Variants in HEG1 observed in about 807,000 individuals in gnomAD.
HEG1 encodes protein HEG homolog 1.
A neutral mutation model predicts 125.6 loss-of-function variants in HEG1; 56 were observed. The ratio of observed to expected loss-of-function variants is 0.45; its 90% CI spans 0.36 to 0.56. The LOEUF is 0.56. Among genes scored for constraint, HEG1 ranks in the 20% least tolerant of loss-of-function variants. The pLI, the probability that HEG1 is intolerant of heterozygous loss-of-function variation, is 0.00. For synonymous variants in HEG1, 644 were observed against 668.5 expected (o/e 0.96, Z 0.57); for missense variants, 1,523 against 1,670.0 (o/e 0.91, Z 1.53).
At chr3:125,027,545 G>T (rs761149267) in intron 2 of HEG1, 38 bp from the exon 3 acceptor site, 5 of 1,532,610 alleles carry the variant, frequency 3.3e-6, no homozygotes, top group Non-Finnish European at 4.4e-6. Context: ...TCCACCAGCA[G>T]ACTTCAAAAT....
chr3:125,011,621 G>A (rs973283819), intron 6 of HEG1, among the ~76,000 whole-genome samples: 13 of 152,130 alleles, frequency 8.5e-5, no homozygotes, highest in South Asian at 2.1e-4. Flanking sequence ...TGATACAAAG[G>A]GGCACTGTGG....
intron 12 of HEG1, among the ~76,000 whole-genome samples, chr3:124,991,698 A>G (rs2107692186): frequency 6.6e-6 from 1 of 150,924 alleles, no homozygotes; most frequent in South Asian, 2.1e-4. Flanking sequence ...TGCAACCTCG[A>G]CCTCCCAGGT....
At chr3:124,998,492 C>T (rs1470449453) in intron 11 of HEG1, among the ~76,000 whole-genome samples, 2 of 152,214 alleles carry the variant, frequency 1.3e-5, no homozygotes, top group African/African-American at 4.8e-5. Context: ...CTTGAGGCTT[C>T]TTCATCTCTG....
chr3:124,987,952 C>CACACACACACAT lies in HEG1; in HGVS notation c.3733+2834_3733+2835insATGTGTGTGTGT. The stretch of plus-strand genomic sequence containing the variant: ...ACACACACACACACACACACACACA[C>CACACACACACAT]ATATATATATATATATATATATACC... On this transcript the variant is annotated intron_variant, in intron 14 of 16. Transcript: ENST00000311127. Among the ~76,000 whole-genome samples, 352 of 54,674 alleles carry CACACACACACAT rather than the reference C, an allele frequency of 6.4e-3. 6 individuals are homozygous for CACACACACACAT. Among genetic ancestry groups the CACACACACACAT allele is most frequent in the African/African-American group, 0.012 (250 of 21,002 alleles). The allele number at this position is 54,674 out of a possible 152,430, so 35.9% of individuals were successfully genotyped here.
chr3:124,965,997 C>G lies in HEG1; in HGVS notation c.*4655G>C, dbSNP rs909810148. ...CTAAATGCTTCATTTAACCGTCAAT[C>G]CACCAACACAAACATTAACAAAACT... On this transcript the variant is annotated 3_prime_UTR_variant, in exon 17 of 17. Transcript: ENST00000311127. The G allele has an allele frequency of 3.9e-5, 6 of 152,178 alleles. No homozygotes were observed. The highest frequency in any genetic ancestry group is 7.3e-5 in the Non-Finnish European group (5 of 68,028). The allele number at this position is 152,178 out of a possible 1,614,324, so 9.4% of individuals were successfully genotyped here.
chr3:124,981,440 C>T (rs1204742099), intron 14 of HEG1, among the ~76,000 whole-genome samples: 1 of 152,156 alleles, frequency 6.6e-6, no homozygotes, highest in Non-Finnish European at 1.5e-5. Context: ...ACACGGCAGA[C>T]CACAAGTTGT....
chr3:125,002,354 G>C (rs756404901), intron 9 of HEG1, 39 bp from the exon 10 acceptor site: 3 of 1,567,540 alleles, frequency 1.9e-6, no homozygotes, highest in Admixed American at 3.5e-5. Flanking sequence ...CAGTGAGTTA[G>C]ACAAAAGCCT....
At chr3:125,016,112 G>A (rs1044125028) in intron 5 of HEG1, among the ~76,000 whole-genome samples, 2 of 152,184 alleles carry the variant, frequency 1.3e-5, no homozygotes, top group Non-Finnish European at 2.9e-5. Context: ...AGAGAAAAAG[G>A]TCTTGGATGG....
chr3:125,002,966 C>T (rs144074562), intron 9 of HEG1, among the ~76,000 whole-genome samples: 113 of 152,278 alleles, frequency 7.4e-4, no homozygotes, highest in Non-Finnish European at 1.5e-3. Flanking sequence ...ACTCCTTTCC[C>T]GGAGTGGAGG....
Position 125,010,447 on chromosome 3 carries a change from C to T in HEG1, c.3065G>A (p.Cys1022Tyr). ...RCPPSWQGDD[C>Y]SVDVNECLSN... ...GTTACTTTTTCTCTTACCCACACTG[C>T]AATCATCCCCTTGCCAGGAAGGCGG... Residue 1022 changes from cysteine to tyrosine, a missense_variant, in exon 7 of 17, where the codon TGC becomes TAC. Coordinates refer to ENST00000311127, the MANE Select transcript of HEG1 (RefSeq NM_020733.2). The T allele has an allele frequency of 6.4e-7, 1 of 1,551,882 alleles. No individual in the cohort carries two copies. The highest frequency in any genetic ancestry group is 1.4e-5 in the African/African-American group (1 of 73,326).
At chr3:124,971,903 C>G (rs1936431300) in intron 16 of HEG1, 1 of 152,018 alleles carries the variant, frequency 6.6e-6, no homozygotes, top group African/African-American at 2.4e-5. Context: ...ATCCTCCTGC[C>G]TTAGCCTCCT....
At chr3:125,036,846 G>A (rs139573141) in intron 1 of HEG1, among the ~76,000 whole-genome samples, 69 of 152,260 alleles carry the variant, frequency 4.5e-4, no homozygotes, top group African/African-American at 1.5e-3. Context: ...ATACGATATT[G>A]GTAAAAATAC....
intron 11 of HEG1, among the ~76,000 whole-genome samples, chr3:124,999,988 TG>T (rs1936977522): frequency 6.6e-6 from 1 of 152,204 alleles, no homozygotes; most frequent in Non-Finnish European, 1.5e-5. Flanking sequence ...AGCCCAGCAC[TG>T]CCCTTATGCT....
At chr3:124,992,951 C>T (rs1255988508) in intron 12 of HEG1, among the ~76,000 whole-genome samples, 3 of 152,158 alleles carry the variant, frequency 2.0e-5, no homozygotes, top group South Asian at 2.1e-4. Flanking sequence ...TGGGAAAGTC[C>T]CTGTGGTATT....
intron 11 of HEG1, 150 bp downstream of exon 11, chr3:125,001,702 T>C: frequency 2.7e-6 from 2 of 737,882 alleles, no homozygotes; most frequent in Non-Finnish European, 4.5e-6. Context: ...AGAAGATGCA[T>C]GTGCACAAAG....
Position 124,970,436 on chromosome 3 carries a change from C to G in HEG1, c.*216G>C, listed in dbSNP as rs765608745. On this transcript the variant is annotated 3_prime_UTR_variant, in exon 17 of 17. Coordinates refer to ENST00000311127, the MANE Select transcript of HEG1 (RefSeq NM_020733.2). ...CTCTCTTGATACTGGCCCACATTCA[C>G]GTTCACAGTAACAACAAAGGTGCTG... 1 of 545,112 alleles carries G rather than the reference C, an allele frequency of 1.8e-6. No individual in the cohort carries two copies. Among genetic ancestry groups the G allele is most frequent in the Non-Finnish European group, 3.3e-6 (1 of 304,608 alleles). The allele number at this position is 545,112 out of a possible 1,614,324, so 33.8% of individuals were successfully genotyped here.
chr3:125,052,924 A>G (rs946944848), intron 1 of HEG1, among the ~76,000 whole-genome samples: 4 of 152,250 alleles, frequency 2.6e-5, no homozygotes, highest in African/African-American at 9.6e-5. Flanking sequence ...AATGGCCCAC[A>G]GGGAAGAAAA....
intron 16 of HEG1, 36 bp from the exon 17 acceptor site, chr3:124,970,837 A>C: frequency 3.2e-6 from 5 of 1,574,416 alleles, no homozygotes; most frequent in Non-Finnish European, 1.7e-6. Context: ...AAGTCAATTT[A>C]TCATTCTTGG....
Position 124,986,336 on chromosome 3 carries a change from C to T in HEG1, c.3733+4451G>A, listed in dbSNP as rs189564400. 4.6e-5 allele frequency among the ~76,000 whole-genome samples: 7 copies of T among 152,282 alleles called. No individual in the cohort carries two copies. The East Asian group carries it at 1.3e-3, about 29-fold the overall frequency. ...AGCCTGAGTCACAGCCCCAGGAAGG[C>T]CCCTGCTGTCTTGGGTGGCAATAAT... On this transcript the variant is annotated intron_variant, in intron 14 of 16. Transcript: ENST00000311127.
Sources: gnomAD v4.1 joint callset for allele counts (sites outside exome capture counted in the v4.1 genomes callset) on GRCh38, gnomAD v4.1.1 for gene constraint, MANE v1.5 for transcripts, NCBI Gene and HGNC (gene_info 2026-07-23, HGNC 2026-07-21) for gene names.